The following PDE10A variants were observed in gnomAD, a reference collection of about 807,000 sequenced individuals.
The protein encoded by PDE10A is phosphodiesterase 10A.
In PDE10A, 39 loss-of-function variants were observed where a neutral mutation model predicts 97.7. The ratio of observed to expected loss-of-function variants is 0.40; its 90% CI spans 0.31 to 0.52. The LOEUF (loss-of-function observed/expected upper bound fraction) is 0.52. Ranked by LOEUF, PDE10A falls within the 20% of genes least tolerant of loss-of-function variation. PDE10A has a pLI of 0.56. For synonymous variants in PDE10A, 371 were observed against 376.8 expected (o/e 0.98, Z 0.18); for missense variants, 731 against 1,047.8 (o/e 0.70, Z 4.17).
intron 1 of PDE10A, among the ~76,000 whole-genome samples, chr6:165,623,489 A>G (rs1788241733): frequency 7.0e-6 from 1 of 143,566 alleles, no homozygotes; most frequent in Non-Finnish European, 1.5e-5. Context: ...GGAATTGATG[A>G]CAGAGGGAGA....
intron 1 of PDE10A, among the ~76,000 whole-genome samples, chr6:165,612,149 A>G (rs768472442): frequency 1.3e-5 from 2 of 152,222 alleles, no homozygotes; most frequent in Non-Finnish European, 2.9e-5. Flanking sequence ...TCTAGACCAA[A>G]TGAGATATAT....
intron 1 of PDE10A, among the ~76,000 whole-genome samples, chr6:165,564,304 G>C (rs1030491561): frequency 6.6e-6 from 1 of 152,164 alleles, no homozygotes; most frequent in Non-Finnish European, 1.5e-5. Flanking sequence ...GTTGAAGGTA[G>C]AGAGGCACCC....
At chr6:165,793,197 T>C (rs1778703927) in intron 1 of PDE10A, among the ~76,000 whole-genome samples, 1 of 152,106 alleles carries the variant, frequency 6.6e-6, no homozygotes, top group African/African-American at 2.4e-5. Flanking sequence ...TGAGAATTAT[T>C]ACCAAATGCA....
intron 1 of PDE10A, among the ~76,000 whole-genome samples, chr6:165,958,303 T>C (rs1415523840): frequency 6.6e-6 from 1 of 151,680 alleles, no homozygotes; most frequent in Non-Finnish European, 1.5e-5. Flanking sequence ...ATGACCCGAA[T>C]GGGAAAGAAA....
intron 1 of PDE10A, among the ~76,000 whole-genome samples, chr6:165,736,778 G>A (rs1792585641): frequency 6.6e-6 from 1 of 152,120 alleles, no homozygotes; most frequent in African/African-American, 2.4e-5. Flanking sequence ...TAAGCCCAAA[G>A]TTAGCAGATG....
At chr6:165,500,018 C>T (rs1255971035) in intron 2 of PDE10A, among the ~76,000 whole-genome samples, 1 of 152,158 alleles carries the variant, frequency 6.6e-6, no homozygotes, top group East Asian at 1.9e-4. Flanking sequence ...TGCTTTCCTA[C>T]TAAGATGGAG....
intron 1 of PDE10A, among the ~76,000 whole-genome samples, chr6:165,619,418 T>TACA (rs1562634787): frequency 2.9e-5 from 3 of 105,012 alleles, no homozygotes; most frequent in African/African-American, 5.1e-5. Flanking sequence ...TCTAGTGTAG[T>TACA]GTAGTGTAGT....
At chr6:165,695,868 C>A (rs1350846135) in intron 1 of PDE10A, among the ~76,000 whole-genome samples, 1 of 152,134 alleles carries the variant, frequency 6.6e-6, no homozygotes, top group African/African-American at 2.4e-5. Context: ...GAAACTGTTC[C>A]TTCCAAGGAG....
At chr6:165,579,692 G>A (rs1267866139) in intron 1 of PDE10A, among the ~76,000 whole-genome samples, 3 of 152,130 alleles carry the variant, frequency 2.0e-5, no homozygotes, top group Non-Finnish European at 2.9e-5. Context: ...ACTAGATCAT[G>A]TTGCTGCTCT....
intron 1 of PDE10A, among the ~76,000 whole-genome samples, chr6:165,656,180 T>C (rs1228311741): frequency 6.6e-6 from 1 of 151,164 alleles, no homozygotes; most frequent in African/African-American, 2.4e-5. Context: ...ATTCTCATAC[T>C]TCCCATTCTG....
chr6:165,501,960 G>A (rs909269371), intron 2 of PDE10A, among the ~76,000 whole-genome samples: 5 of 152,224 alleles, frequency 3.3e-5, no homozygotes, highest in South Asian at 2.1e-4. Flanking sequence ...GTAAATCAAC[G>A]AACCAAAACA....
Position 165,869,904 on chromosome 6 carries a change from T to A in PDE10A, c.-615+117625A>T, listed in dbSNP as rs1429276985. Among the ~76,000 whole-genome samples the A allele has an allele frequency of 2.0e-5, 3 of 152,116 alleles. No homozygotes were observed. The East Asian group carries it at 5.8e-4, about 29-fold the overall frequency. On this transcript the variant is annotated intron_variant, in intron 1 of 19. Transcript: ENST00000366882. The stretch of plus-strand genomic sequence containing the variant: ...AAGTGGATATCCATATGCAAAAGAA[T>A]AAAACTGGACCCCTGCCTCTCATCA...
chr6:165,719,648 G>T (rs1792116962), intron 1 of PDE10A, among the ~76,000 whole-genome samples: 1 of 152,088 alleles, frequency 6.6e-6, no homozygotes, highest in Non-Finnish European at 1.5e-5. Flanking sequence ...GTGTAACCCA[G>T]GTGGGTGGTA....
Position 165,711,824 on chromosome 6 carries a change from T to G in PDE10A, c.-614-168256A>C, listed in dbSNP as rs903125952. On this transcript the variant is annotated intron_variant, in intron 1 of 19. Transcript: ENST00000366882. The surrounding 1 kb of genome is among the most constrained non-coding windows in gnomAD (Gnocchi z 4.5). Reference sequence around the variant, plus strand: ...CTGTGTTATATTGTCTGTACCTTAGTGTAAAATGCTTTAGCATAAACAGCG... The same window carrying G: ...CTGTGTTATATTGTCTGTACCTTAGGGTAAAATGCTTTAGCATAAACAGCG... Among the ~76,000 whole-genome samples, 1 of 152,214 alleles carries G rather than the reference T, an allele frequency of 6.6e-6. No individual in the cohort carries two copies. The highest frequency in any genetic ancestry group is 1.5e-5 in the Non-Finnish European group (1 of 68,028).
At chr6:165,625,217 A>T (rs985463080) in intron 1 of PDE10A, among the ~76,000 whole-genome samples, 5 of 152,216 alleles carry the variant, frequency 3.3e-5, no homozygotes, top group African/African-American at 1.2e-4. Flanking sequence ...GGCCCTGCGC[A>T]AGGCTCACTC....
chr6:165,853,473 A>T (rs1780628410), intron 1 of PDE10A, among the ~76,000 whole-genome samples: 1 of 152,228 alleles, frequency 6.6e-6, no homozygotes, highest in Admixed American at 6.5e-5. Flanking sequence ...CCTGGTATGC[A>T]GGTTCTCATT....
At chr6:165,355,720 G>C (rs1405341958) in intron 18 of PDE10A, among the ~76,000 whole-genome samples, 1 of 152,106 alleles carries the variant, frequency 6.6e-6, no homozygotes, top group Non-Finnish European at 1.5e-5. Context: ...AAATACCTGA[G>C]AGTGAACTGC....
intron 1 of PDE10A, among the ~76,000 whole-genome samples, chr6:165,685,284 A>G (rs1791084359): frequency 6.6e-6 from 1 of 152,066 alleles, no homozygotes; most frequent in Non-Finnish European, 1.5e-5. Context: ...AAATTCACCA[A>G]AAGAGAACAA....
intron 1 of PDE10A, among the ~76,000 whole-genome samples, chr6:165,652,558 A>G (rs1789736260): frequency 6.6e-6 from 1 of 152,072 alleles, no homozygotes; most frequent in East Asian, 1.9e-4. Context: ...AGAAACACAA[A>G]TTACATCCTA....
Sources: allele counts gnomAD v4.1 joint callset (sites outside exome capture counted in the v4.1 genomes callset), GRCh38; gene constraint gnomAD v4.1.1; non-coding constraint Gnocchi (gnomAD v3.1); transcripts MANE v1.5; gene names NCBI Gene and HGNC (gene_info 2026-07-23, HGNC 2026-07-21).